RAB37: variants seen among roughly 807,000 people sequenced by gnomAD.
The protein encoded by RAB37 is RAB37, member RAS oncogene family.
RAB37 carries 29 observed loss-of-function variants against 33.1 expected under a neutral mutation model. That is an observed-to-expected ratio of 0.88 (90% CI 0.65 to 1.20). The LOEUF (loss-of-function observed/expected upper bound fraction) is 1.20. RAB37 is among the 50% of genes most tolerant of loss of function. The pLI, the probability that RAB37 is intolerant of heterozygous loss-of-function variation, is 0.00. For missense variants in RAB37, 299 were observed against 301.1 expected, an observed-to-expected ratio of 0.99 and a Z score of 0.05; for synonymous variants, 128 against 119.5, an observed-to-expected ratio of 1.07 and a Z score of -0.47.
At chr17:74,691,743 A>T (rs2032160224) in intron 1 of RAB37, among the ~76,000 whole-genome samples, 1 of 152,206 alleles carries the variant, frequency 6.6e-6, no homozygotes, top group Non-Finnish European at 1.5e-5. Context: ...ATCCAACATA[A>T]GCATATACTT....
chr17:74,703,694 T>C (rs10512597), intron 1 of RAB37, among the ~76,000 whole-genome samples: 100,506 of 152,070 alleles, frequency 0.66, 36,287 homozygotes, highest in Middle Eastern at 0.84. Context: ...CAAACTAGAA[T>C]ATGCCCCAGA....
intron 1 of RAB37, among the ~76,000 whole-genome samples, chr17:74,710,614 T>C (rs2143916716): frequency 6.6e-6 from 1 of 151,896 alleles, no homozygotes; most frequent in Non-Finnish European, 1.5e-5. Flanking sequence ...ATCCCAACAC[T>C]TTGGGAGGCC....
At chr17:74,673,896 T>C (rs2031763294) in intron 1 of RAB37, among the ~76,000 whole-genome samples, 1 of 152,188 alleles carries the variant, frequency 6.6e-6, no homozygotes, top group South Asian at 2.1e-4. Context: ...CTAATACTAC[T>C]TTATGATTGT....
At position 74,671,407 on chromosome 17, in the gene RAB37, C is replaced by G; in HGVS notation, c.-180C>G. ...CTCAGTCCTGGAAGAACGTGGCCGC[C>G]TGCCCGCCTGGTACCGCGCCGCGGC... is the stretch of plus-strand genomic sequence containing the variant. On this transcript the variant is annotated 5_prime_UTR_variant, in exon 1 of 8. Coordinates refer to the RAB37 transcript ENST00000340415. The surrounding 1 kb of genome is among the most constrained non-coding windows in gnomAD (Gnocchi z 5.0). 1 of 608,148 alleles carries G rather than the reference C, an allele frequency of 1.6e-6. No individual in the cohort carries two copies. The highest frequency in any genetic ancestry group is 2.8e-5 in the East Asian group (1 of 36,288). 37.7% of individuals were successfully genotyped at this position (608,148 alleles called of 1,614,324 possible). A position where few individuals can be genotyped will look rare whatever the true frequency, so the allele number is the denominator to read the frequency against.
intron 1 of RAB37, 68 bp downstream of exon 1, chr17:74,737,433 T>C (rs2034505552): frequency 6.8e-7 from 1 of 1,466,688 alleles, no homozygotes; most frequent in African/African-American, 1.4e-5. Flanking sequence ...TGCGTCTGGG[T>C]TGGACTCAGC....
intron 4 of RAB37, 42 bp downstream of exon 4, chr17:74,743,237 G>T (rs778287854): frequency 1.2e-6 from 2 of 1,613,674 alleles, no homozygotes; most frequent in African/African-American, 2.7e-5. Flanking sequence ...CAGCCCCTTG[G>T]TAGCATCCGT....
chr17:74,673,414 A>AG (rs1242730757), intron 1 of RAB37, among the ~76,000 whole-genome samples: 2 of 150,282 alleles, frequency 1.3e-5, no homozygotes, highest in African/African-American at 4.9e-5. Context: ...TCTCAAAAAA[A>AG]AAAAGAAAAA....
At chr17:74,708,091 T>G (rs575832855) in intron 1 of RAB37, among the ~76,000 whole-genome samples, 1 of 145,100 alleles carries the variant, frequency 6.9e-6, no homozygotes, top group African/African-American at 2.6e-5. Context: ...GAAGTTTCAG[T>G]GAGCCGAGAT....
chr17:74,695,176 T>C, intron 1 of RAB37: 1 of 1,614,134 alleles, frequency 6.2e-7, no homozygotes, highest in Non-Finnish European at 8.5e-7. Flanking sequence ...TGGCCCATGT[T>C]GCAGTAGGTC....
At position 74,729,215 on chromosome 17, in the gene RAB37, C is replaced by T. The variant is rs1245392602; in HGVS notation, c.73-41C>T. ...CAAGGACACCTCTGAGGCCAACTCA[C>T]ATCACAGGCCCTCAGCTCTCTCTCT... On this transcript the variant is annotated intron_variant, in intron 1 of 7. Transcript: ENST00000340415. This position sits in a 1 kb window ranked among gnomAD's most constrained non-coding sequence, Gnocchi z 4.2. The T allele has an allele frequency of 2.7e-6, 4 of 1,483,212 alleles. No homozygotes were observed. The highest frequency in any genetic ancestry group is 3.8e-6 in the Non-Finnish European group (4 of 1,060,592). 91.9% of individuals were successfully genotyped at this position (1,483,212 alleles called of 1,614,324 possible).
intron 1 of RAB37, among the ~76,000 whole-genome samples, chr17:74,696,903 T>TGTTTGGTTTGGTTTGGTTTG (rs72122986): frequency 1.4e-5 from 2 of 146,824 alleles, no homozygotes; most frequent in African/African-American, 2.6e-5. Flanking sequence ...GGACCGATTT[T>TGTTTGGTTTGGTTTGGTTTG]GTTTGGTTTG....
rs768924870 is a variant in RAB37, at chr17:74,744,395, T to G, written c.432+22T>G. ...CAAGGTGAGTGGCTCCGGGGCAGGG[T>G]CAGCCCAGCCCTGCACTTCCTCAGC... is the stretch of plus-strand genomic sequence containing the variant. On this transcript the variant is annotated intron_variant, in intron 6 of 8. Transcript: ENST00000392613. The surrounding 1 kb of genome is among the most constrained non-coding windows in gnomAD (Gnocchi z 4.2). The G allele has an allele frequency of 6.2e-7, 1 of 1,611,256 alleles. No individual in the cohort carries two copies. Among genetic ancestry groups the G allele is most frequent in the East Asian group, 2.2e-5 (1 of 44,840 alleles).
At chr17:74,743,059 G>T in intron 3 of RAB37, 70 bp from the exon 4 acceptor site, 6 of 1,405,794 alleles carry the variant, frequency 4.3e-6, no homozygotes, top group Non-Finnish European at 6.0e-6. Context: ...AACAAAGCAG[G>T]CCTGCTCCAC....
Position 74,744,608 on chromosome 17 carries a change from G to A in RAB37, c.432+235G>A, listed in dbSNP as rs1424831554. The A allele has an allele frequency of 1.8e-5, 11 of 624,990 alleles. No individual in the cohort carries two copies. In the East Asian group the frequency reaches 3.0e-4, roughly 17 times the overall value. 38.7% of individuals were successfully genotyped at this position (624,990 alleles called of 1,614,324 possible). On this transcript the variant is annotated intron_variant, in intron 6 of 8. Transcript: ENST00000392613. The surrounding 1 kb of genome is among the most constrained non-coding windows in gnomAD (Gnocchi z 4.2). ...TGCCCAGTTCTCAGCCCCCATTAGA[G>A]CAGAGTGAACAGGGTCCCAGGTCAG...
At position 74,671,354 on chromosome 17, in the gene RAB37, C is replaced by A. The variant is rs780159449; in HGVS notation, c.-233C>A. ...AACTCTGGTCCCGGGCGCACAACGGCGGAGTCGCTGTTCCTGGTGCTGAAA... is the reference window on the plus strand; with the variant it reads ...AACTCTGGTCCCGGGCGCACAACGGAGGAGTCGCTGTTCCTGGTGCTGAAA... On this transcript the variant is annotated 5_prime_UTR_variant, in exon 1 of 8. Coordinates refer to the RAB37 transcript ENST00000340415. This position sits in a 1 kb window ranked among gnomAD's most constrained non-coding sequence, Gnocchi z 5.0. The A allele has an allele frequency of 7.4e-6, 4 of 543,132 alleles. No homozygotes were observed. Among genetic ancestry groups the A allele is most frequent in the South Asian group, 2.6e-5 (1 of 39,092 alleles). The allele number at this position is 543,132 out of a possible 1,614,324, so 33.6% of individuals were successfully genotyped here. A position where few individuals can be genotyped will look rare whatever the true frequency, so the allele number is the denominator to read the frequency against.
chr17:74,723,068 A>T (rs2034262012), intron 1 of RAB37, among the ~76,000 whole-genome samples: 1 of 152,252 alleles, frequency 6.6e-6, no homozygotes, highest in African/African-American at 2.4e-5. Context: ...AAGGGTCGAT[A>T]CAACAGCTTT....
At chr17:74,679,792 A>G (rs1007960543) in intron 1 of RAB37, among the ~76,000 whole-genome samples, 4 of 152,084 alleles carry the variant, frequency 2.6e-5, no homozygotes, top group Admixed American at 6.5e-5. Context: ...AGCCTGGCCA[A>G]CATGGTGAAA....
chr17:74,710,585 G>A lies in RAB37; in HGVS notation c.73-18671G>A, dbSNP rs761119620. Among the ~76,000 whole-genome samples the A allele has an allele frequency of 9.2e-5, 14 of 151,936 alleles. No individual in the cohort carries two copies. The East Asian group carries it at 1.4e-3, about 15-fold the overall frequency. On this transcript the variant is annotated intron_variant, in intron 1 of 7. Transcript: ENST00000340415. Reference sequence around the variant, plus strand: ...GAAAAAAAGCACAGTGAGGCTGGGCGCGGTGGCTCACGCCTGTAATCCCAA... The same window carrying A: ...GAAAAAAAGCACAGTGAGGCTGGGCACGGTGGCTCACGCCTGTAATCCCAA...
intron 1 of RAB37, among the ~76,000 whole-genome samples, chr17:74,722,945 C>T (rs2034260706): frequency 6.6e-6 from 1 of 152,078 alleles, no homozygotes; most frequent in Non-Finnish European, 1.5e-5. Context: ...AAAAGCTGTC[C>T]CTGAATAATA....
Sources: allele counts gnomAD v4.1 joint callset (sites outside exome capture counted in the v4.1 genomes callset), GRCh38; gene constraint gnomAD v4.1.1; non-coding constraint Gnocchi (gnomAD v3.1); transcripts MANE v1.5; gene names NCBI Gene and HGNC (gene_info 2026-07-23, HGNC 2026-07-21).